TRPM6: variants seen among roughly 807,000 people sequenced by gnomAD.
TRPM6 encodes transient receptor potential cation channel subfamily M member 6.
A neutral mutation model predicts 247.6 loss-of-function variants in TRPM6; 111 were observed. The observed-to-expected ratio is 0.45, with a 90% CI of 0.38 to 0.52. TRPM6 has a LOEUF of 0.52. Among genes scored for constraint, TRPM6 ranks in the 20% least tolerant of loss-of-function variants. The pLI, the probability that TRPM6 is intolerant of heterozygous loss-of-function variation, is 0.00. For missense variants in TRPM6, 2,126 were observed against 2,421.5 expected (o/e 0.88, Z 2.56); for synonymous variants, 892 against 853.8 (o/e 1.04, Z -0.78).
intron 7 of TRPM6, among the ~76,000 whole-genome samples, chr9:74,822,971 G>A (rs1829184137): frequency 6.6e-6 from 1 of 152,164 alleles, no homozygotes; most frequent in Admixed American, 6.5e-5. Flanking sequence ...AAAGAGAAGG[G>A]AAGGTTTAGG....
intron 9 of TRPM6, among the ~76,000 whole-genome samples, chr9:74,819,973 C>A (rs905716993): frequency 1.3e-5 from 2 of 152,062 alleles, no homozygotes; most frequent in African/African-American, 4.8e-5. Context: ...GAAAAATCCA[C>A]ATTTTTTATT....
chr9:74,773,613 A>G (rs1404922929), intron 24 of TRPM6, among the ~76,000 whole-genome samples: 16 of 152,234 alleles, frequency 1.1e-4, no homozygotes, highest in Non-Finnish European at 5.9e-5. Context: ...TAGAAAATAT[A>G]TAATGAAGTG....
In TRPM6 at chr9:74,754,547, G is replaced by A. The variant is rs151108632; in HGVS notation, c.4906+806C>T. ...GTCCCACGGGGAAAGTGAAGGGAAC[G>A]TGTAAAATCACCCCTTGGTTGAGAA... is the stretch of plus-strand genomic sequence containing the variant. On this transcript the variant is annotated intron_variant, in intron 28 of 38. Transcript: ENST00000360774. Among the ~76,000 whole-genome samples, 395 of 152,284 alleles carry A rather than the reference G, an allele frequency of 2.6e-3. 2 individuals carry two copies. The highest frequency in any genetic ancestry group is 9.1e-3 in the African/African-American group (380 of 41,560).
At chr9:74,749,849 G>C (rs559910936) in intron 30 of TRPM6, among the ~76,000 whole-genome samples, 29 of 152,130 alleles carry the variant, frequency 1.9e-4, no homozygotes, top group Non-Finnish European at 3.7e-4. Context: ...TCCATGATGG[G>C]AGCCCTAGAG....
intron 12 of TRPM6, among the ~76,000 whole-genome samples, chr9:74,811,617 T>C (rs1828731733): frequency 6.6e-6 from 1 of 152,228 alleles, no homozygotes; most frequent in Non-Finnish European, 1.5e-5. Flanking sequence ...TTTGTTCTTA[T>C]TCACAATTTA....
intron 27 of TRPM6, among the ~76,000 whole-genome samples, chr9:74,759,007 T>G (rs907386479): frequency 6.6e-6 from 1 of 152,124 alleles, no homozygotes; most frequent in Non-Finnish European, 1.5e-5. Flanking sequence ...TGTTAACTAA[T>G]GGCAGTTATA....
At chr9:74,773,094 T>C (rs974247603) in intron 24 of TRPM6, among the ~76,000 whole-genome samples, 2 of 151,998 alleles carry the variant, frequency 1.3e-5, no homozygotes, top group African/African-American at 4.8e-5. Context: ...TCCACTGCAC[T>C]CCAGCCTGGG....
chr9:74,887,631 C>T (rs565360648), intron 1 of TRPM6, 193 bp downstream of exon 1: 4 of 1,558,950 alleles, frequency 2.6e-6, no homozygotes, highest in African/African-American at 1.4e-5. Context: ...CGTACACTAC[C>T]TTAGATAGGA....
At chr9:74,883,398 C>T (rs931773357) in intron 1 of TRPM6, among the ~76,000 whole-genome samples, 2 of 152,038 alleles carry the variant, frequency 1.3e-5, no homozygotes. Flanking sequence ...GAAAGGAAAA[C>T]CAAATTAAAG....
intron 23 of TRPM6, among the ~76,000 whole-genome samples, chr9:74,780,285 T>A (rs1384955002): frequency 3.3e-5 from 5 of 151,744 alleles, no homozygotes; most frequent in Non-Finnish European, 5.9e-5. Context: ...TGAAACCCTG[T>A]CTCTACTAGA....
At chr9:74,854,455 T>C (rs1286961013) in intron 3 of TRPM6, among the ~76,000 whole-genome samples, 1 of 152,130 alleles carries the variant, frequency 6.6e-6, no homozygotes, top group Non-Finnish European at 1.5e-5. Context: ...TTACTTTCAG[T>C]AGCAAACACC....
At chr9:74,832,162 T>C (rs1353188242) in intron 6 of TRPM6, among the ~76,000 whole-genome samples, 1 of 152,068 alleles carries the variant, frequency 6.6e-6, no homozygotes, top group Non-Finnish European at 1.5e-5. Flanking sequence ...CAAAGAAACA[T>C]GCTAAACACC....
chr9:74,863,745 G>A (rs565005469), intron 1 of TRPM6, among the ~76,000 whole-genome samples: 3 of 151,998 alleles, frequency 2.0e-5, no homozygotes, highest in African/African-American at 7.2e-5. Flanking sequence ...ACCTACGCCC[G>A]GCTAATTTTT....
chr9:74,726,991 C>T (rs1825351649), intron 38 of TRPM6, among the ~76,000 whole-genome samples: 2 of 152,134 alleles, frequency 1.3e-5, no homozygotes, highest in Admixed American at 6.6e-5. Flanking sequence ...TGGCCCTCTG[C>T]TCTCTGACTG....
intron 5 of TRPM6, among the ~76,000 whole-genome samples, chr9:74,836,855 T>C (rs1018174292): frequency 2.0e-5 from 3 of 152,228 alleles, no homozygotes; most frequent in Non-Finnish European, 4.4e-5. Flanking sequence ...CACTTCTTAC[T>C]AATGCCGCTT....
intron 3 of TRPM6, among the ~76,000 whole-genome samples, chr9:74,846,913 G>T (rs2118250369): frequency 1.3e-5 from 2 of 152,222 alleles, no homozygotes; most frequent in East Asian, 3.9e-4. Flanking sequence ...AAAATCTTCA[G>T]ACTTGGGTTT....
At chr9:74,869,453 CAAAAAAA>C (rs775850642) in intron 1 of TRPM6, among the ~76,000 whole-genome samples, 4 of 76,802 alleles carry the variant, frequency 5.2e-5, no homozygotes, top group African/African-American at 1.9e-4. Flanking sequence ...GACTCCATCT[CAAAAAAA>C]AAAAAAAAAG....
intron 29 of TRPM6, among the ~76,000 whole-genome samples, chr9:74,751,568 A>G (rs1206968194): frequency 2.6e-5 from 4 of 152,338 alleles, no homozygotes; most frequent in Non-Finnish European, 4.4e-5. Flanking sequence ...ATATTCAAAC[A>G]AAGACTTAAA....
chr9:74,811,009 T>G, intron 12 of TRPM6, 141 bp from the exon 13 acceptor site: 1 of 681,218 alleles, frequency 1.5e-6, no homozygotes, highest in South Asian at 1.8e-5. Flanking sequence ...TTAAGCCAAT[T>G]AATTCTAAAG....
Sources: allele counts gnomAD v4.1 joint callset (sites outside exome capture counted in the v4.1 genomes callset), GRCh38; gene constraint gnomAD v4.1.1; transcripts MANE v1.5; gene names NCBI Gene and HGNC (gene_info 2026-07-23, HGNC 2026-07-21).